Variants in CYP4X1 observed in about 807,000 individuals in gnomAD.
CYP4X1 encodes the protein cytochrome P450 family 4 subfamily X member 1, also known as cytochrome P450 4X1.
In CYP4X1, 44 loss-of-function variants were observed where a neutral mutation model predicts 57.9. The ratio of observed to expected loss-of-function variants is 0.76; its 90% CI spans 0.60 to 0.98. CYP4X1 has a LOEUF of 0.98. Ranked by LOEUF, CYP4X1 falls within the 50% of genes least tolerant of loss-of-function variation. CYP4X1 has a pLI of 0.00. For synonymous variants in CYP4X1, 227 were observed against 228.6 expected (o/e 0.99, Z 0.06); for missense variants, 532 against 623.9 (o/e 0.85, Z 1.57).
At chr1:47,011,851 A>G in the CYP4X1 span, among the ~76,000 whole-genome samples, 1 of 152,348 alleles carries the variant, frequency 6.6e-6, no homozygotes, top group East Asian at 1.9e-4. Context: ...AATCAAAACC[A>G]CAATGAGATA....
chr1:47,022,588 C>T (rs1257517795), upstream of CYP4X1, among the ~76,000 whole-genome samples: 1 of 152,154 alleles, frequency 6.6e-6, no homozygotes, highest in Non-Finnish European at 1.5e-5. Flanking sequence ...CGCGCCCGGC[C>T]CCCTGGAGCC....
the CYP4X1 span, among the ~76,000 whole-genome samples, chr1:46,977,606 A>C: frequency 2.5e-3 from 374 of 152,156 alleles, 3 homozygotes; most frequent in Non-Finnish European, 3.5e-3. Flanking sequence ...CCAACATCCA[A>C]ATTCAGGAAA....
chr1:47,054,394 C>G (rs1644379848), downstream of CYP4X1, among the ~76,000 whole-genome samples: 1 of 152,022 alleles, frequency 6.6e-6, no homozygotes, highest in South Asian at 2.1e-4. Flanking sequence ...ATTGACTTGG[C>G]AATGAGGGCT....
the CYP4X1 span, among the ~76,000 whole-genome samples, chr1:47,010,031 G>A: frequency 2.0e-4 from 31 of 152,242 alleles, no homozygotes; most frequent in Admixed American, 1.5e-3. Flanking sequence ...AATCAATAGA[G>A]AAAGAGGGAA....
the CYP4X1 span, among the ~76,000 whole-genome samples, chr1:47,012,159 C>T: frequency 6.6e-6 from 1 of 152,178 alleles, no homozygotes. Context: ...GGAACCAACA[C>T]AAATGTCCAA....
chr1:47,048,900 C>T (rs1348731327), intron 10 of CYP4X1, among the ~76,000 whole-genome samples: 6 of 152,152 alleles, frequency 3.9e-5, no homozygotes, highest in Non-Finnish European at 7.3e-5. Context: ...AATAATTGGC[C>T]ACATCATCAT....
chr1:47,028,764 G>C (rs981186004), intron 1 of CYP4X1, among the ~76,000 whole-genome samples: 2 of 152,240 alleles, frequency 1.3e-5, no homozygotes, highest in Admixed American at 1.3e-4. Context: ...CAAAGGCCTT[G>C]TCTTCCTTAT....
At chr1:46,976,008 G>C in the CYP4X1 span, among the ~76,000 whole-genome samples, 1 of 152,012 alleles carries the variant, frequency 6.6e-6, no homozygotes. Flanking sequence ...AACAGCTCTG[G>C]TCTGCAGCTT....
chr1:47,023,612 G>C (rs1421756672), upstream of CYP4X1: 4 of 1,328,468 alleles, frequency 3.0e-6, no homozygotes, highest in Admixed American at 3.3e-5. Context: ...TTGGTAACCG[G>C]CTAGAAATCC....
At position 47,050,668 on chromosome 1, in the gene CYP4X1, T is replaced by A. The variant is rs1335370116; in HGVS notation, c.*494T>A. On this transcript the variant is annotated 3_prime_UTR_variant, in exon 12 of 12. Coordinates refer to ENST00000371901, the MANE Select transcript of CYP4X1 (RefSeq NM_178033.2). ...TTCCTATACATTTTATATGTAGAAA[T>A]GTAGCAATGTATTTGTATAGATGTG... 1 of 155,672 alleles carries A rather than the reference T, an allele frequency of 6.4e-6. No individual in the cohort carries two copies. The highest frequency in any genetic ancestry group is 6.2e-5 in the Admixed American group (1 of 16,054). 9.6% of individuals were successfully genotyped at this position (155,672 alleles called of 1,614,324 possible). A position where few individuals can be genotyped will look rare whatever the true frequency, so the allele number is the denominator to read the frequency against.
chr1:46,999,026 TTGTGTGTG>T, the CYP4X1 span, among the ~76,000 whole-genome samples: 169 of 143,240 alleles, frequency 1.2e-3, 2 homozygotes, highest in Middle Eastern at 3.5e-3. Flanking sequence ...CTTGCTTTCT[TTGTGTGTG>T]TGTGTGTGTG....
Position 47,031,443 on chromosome 1 carries a change from G to C in CYP4X1, c.327G>C (p.Lys109Asn), listed in dbSNP as rs776815739. The C allele has an allele frequency of 6.2e-6, 10 of 1,613,850 alleles. No homozygotes were observed. The highest frequency in any genetic ancestry group is 7.6e-6 in the Non-Finnish European group (9 of 1,179,966). Reference sequence around the variant, plus strand: ...CTCTGCTTGACTCTGCAGATCCCAAGTCCCAGTACCTGCAGAAATTCTCAC... The same window carrying C: ...CTCTGCTTGACTCTGCAGATCCCAACTCCCAGTACCTGCAGAAATTCTCAC... ...AKTLLSRTDP[K>N]SQYLQKFSPP... The change falls in exon 3 of 12, where the codon AAG becomes AAC. Residue 109 changes from lysine (K) to asparagine (N), a missense_variant. Lys to Asn is a moderately conservative substitution (Grantham distance 94). Coordinates refer to ENST00000371901, the MANE Select transcript of CYP4X1 (RefSeq NM_178033.2).
chr1:46,981,941 T>C, the CYP4X1 span, among the ~76,000 whole-genome samples: 5 of 152,176 alleles, frequency 3.3e-5, no homozygotes, highest in East Asian at 7.7e-4. Context: ...ATGAGAACAC[T>C]TGGACACAGG....
At chr1:47,024,795 G>A (rs1213605077) in intron 1 of CYP4X1, among the ~76,000 whole-genome samples, 2 of 152,210 alleles carry the variant, frequency 1.3e-5, no homozygotes, top group East Asian at 3.8e-4. Flanking sequence ...GAAAGTCTGT[G>A]AAGGGCTGAG....
chr1:46,961,569 A>G, the CYP4X1 span: 5 of 1,238,854 alleles, frequency 4.0e-6, no homozygotes, highest in Non-Finnish European at 4.1e-6. Flanking sequence ...TCCTGAGAAC[A>G]AAGGGCTCAG....
the CYP4X1 span, among the ~76,000 whole-genome samples, chr1:46,966,960 G>A: frequency 1.3e-5 from 2 of 152,104 alleles, no homozygotes; most frequent in African/African-American, 2.4e-5. Flanking sequence ...AGACCCTAAG[G>A]GGATGTGTAT....
chr1:47,033,471 T>A (rs975116800), intron 4 of CYP4X1, 103 bp downstream of exon 4: 3 of 1,468,338 alleles, frequency 2.0e-6, no homozygotes, highest in Non-Finnish European at 2.7e-6. Flanking sequence ...AATCAGTTTC[T>A]AAAAATTTAA....
At chr1:46,986,758 T>G in the CYP4X1 span, among the ~76,000 whole-genome samples, 1 of 149,932 alleles carries the variant, frequency 6.7e-6, no homozygotes. Flanking sequence ...GAATTTCTTT[T>G]CTTTCATCTC....
chr1:47,049,654 A>G (rs1644340307), intron 11 of CYP4X1, 150 bp downstream of exon 11: 1 of 758,722 alleles, frequency 1.3e-6, no homozygotes, highest in Non-Finnish European at 2.2e-6. Context: ...AGTTTTACAA[A>G]GGACAATCGT....
Sources: allele counts gnomAD v4.1 joint callset (sites outside exome capture counted in the v4.1 genomes callset), GRCh38; gene constraint gnomAD v4.1.1; transcripts MANE v1.5; gene names NCBI Gene and HGNC (gene_info 2026-07-23, HGNC 2026-07-21).